The following ANK2 variants were observed in gnomAD, a reference collection of about 807,000 sequenced individuals.
ANK2 encodes ankyrin-2.
Under a neutral mutation model 360.5 loss-of-function variants are expected in ANK2, and 83 were observed. The ratio of observed to expected loss-of-function variants is 0.23; its 90% CI spans 0.19 to 0.28. The LOEUF is 0.28. Among genes scored for constraint, ANK2 ranks in the 10% least tolerant of loss-of-function variants. The pLI, the probability that ANK2 is intolerant of heterozygous loss-of-function variation, is 1.00. For synonymous variants in ANK2, 1,740 were observed against 1,759.5 expected, an observed-to-expected ratio of 0.99 and a Z score of 0.28; for missense variants, 4,201 against 4,795.7, an observed-to-expected ratio of 0.88 and a Z score of 3.66.
At chr4:113,209,262 G>A (rs959871920) in intron 4 of ANK2, among the ~76,000 whole-genome samples, 1 of 151,922 alleles carries the variant, frequency 6.6e-6, no homozygotes, top group African/African-American at 2.4e-5. Flanking sequence ...AGTAGTAGTA[G>A]CCCTTGGAGA....
intron 2 of ANK2, among the ~76,000 whole-genome samples, chr4:112,991,196 C>T (rs770462424): frequency 2.4e-4 from 34 of 140,928 alleles, no homozygotes; most frequent in African/African-American, 8.6e-4. Context: ...TGCAGTGAGC[C>T]GTGATTGCGC....
intron 17 of ANK2, among the ~76,000 whole-genome samples, chr4:113,282,264 C>T (rs2062707913): frequency 6.6e-6 from 1 of 152,172 alleles, no homozygotes; most frequent in African/African-American, 2.4e-5. Context: ...CTAGAAATGG[C>T]ACTTCCATCA....
the ANK2 span, among the ~76,000 whole-genome samples, chr4:112,733,141 G>A: frequency 3.9e-5 from 6 of 152,022 alleles, no homozygotes; most frequent in Non-Finnish European, 8.8e-5. Context: ...GCTTGAACCC[G>A]GCAGGTGGAG....
At chr4:112,818,707 T>C (rs1222104319) in intron 1 of ANK2, among the ~76,000 whole-genome samples, 1 of 152,152 alleles carries the variant, frequency 6.6e-6, no homozygotes, top group African/African-American at 2.4e-5. Context: ...CTTCTCTGCA[T>C]TGGGTGAGTA....
the ANK2 span, among the ~76,000 whole-genome samples, chr4:112,748,915 T>C: frequency 1.3e-5 from 2 of 152,222 alleles, no homozygotes; most frequent in African/African-American, 4.8e-5. Flanking sequence ...TTATTTATTT[T>C]GTAGATGGAG....
intron 2 of ANK2, among the ~76,000 whole-genome samples, chr4:113,182,674 A>G (rs1156925546): frequency 6.6e-6 from 1 of 152,182 alleles, no homozygotes; most frequent in East Asian, 1.9e-4. Context: ...TTGATCCAAT[A>G]AGCTGAGGAA....
At chr4:113,312,540 A>T (rs1563663494) in intron 24 of ANK2, among the ~76,000 whole-genome samples, 1 of 151,862 alleles carries the variant, frequency 6.6e-6, no homozygotes, top group South Asian at 2.1e-4. Flanking sequence ...AGGCTTGTTA[A>T]CTTCATAGTC....
intron 14 of ANK2, among the ~76,000 whole-genome samples, chr4:113,265,718 A>G (rs1303637154): frequency 6.6e-6 from 1 of 152,208 alleles, no homozygotes; most frequent in Admixed American, 6.5e-5. Flanking sequence ...ATACACTATC[A>G]ATATACTGTA....
chr4:113,331,463 G>A (rs1042463352), intron 27 of ANK2, among the ~76,000 whole-genome samples: 37 of 152,166 alleles, frequency 2.4e-4, no homozygotes, highest in Admixed American at 2.2e-3. Flanking sequence ...AGACAGACCA[G>A]AGCTTTACAA....
the ANK2 span, among the ~76,000 whole-genome samples, chr4:112,793,473 G>T: frequency 6.6e-6 from 1 of 151,892 alleles, no homozygotes; most frequent in Non-Finnish European, 1.5e-5. Context: ...AAGAGAAGTA[G>T]ATTTTATCAT....
At chr4:112,917,219 A>C (rs1233385755) in intron 2 of ANK2, among the ~76,000 whole-genome samples, 1 of 152,240 alleles carries the variant, frequency 6.6e-6, no homozygotes, top group Non-Finnish European at 1.5e-5. Context: ...CCACAATGAA[A>C]AAGAGCTTCT....
rs555366023 is a variant in ANK2, at chr4:113,235,563, G to A, written c.484-1424G>A. ...CCTGCCTCAGCCTCCCAAGTAGCTG[G>A]GATTACAGGTGCACGCCACCACATT... On this transcript the variant is annotated intron_variant, in intron 5 of 45. Transcript: ENST00000357077. 3.3e-5 allele frequency among the ~76,000 whole-genome samples: 5 copies of A among 152,098 alleles called. No individual in the cohort carries two copies. In the South Asian group the frequency reaches 8.3e-4, roughly 25 times the overall value.
intron 1 of ANK2, among the ~76,000 whole-genome samples, chr4:113,066,650 G>A (rs2075720033): frequency 6.6e-6 from 1 of 152,122 alleles, no homozygotes; most frequent in African/African-American, 2.4e-5. Context: ...CCAGGCACAG[G>A]TGTGACTGAC....
intron 2 of ANK2, among the ~76,000 whole-genome samples, chr4:113,178,432 C>A (rs1444090640): frequency 1.3e-5 from 2 of 151,622 alleles, no homozygotes; most frequent in Admixed American, 6.6e-5. Flanking sequence ...ATTAGCCGGG[C>A]GTGGCAGCAG....
intron 2 of ANK2, among the ~76,000 whole-genome samples, chr4:112,964,089 G>C (rs982686211): frequency 1.4e-5 from 2 of 143,554 alleles, no homozygotes; most frequent in Non-Finnish European, 1.5e-5. Flanking sequence ...AATTTTTAAG[G>C]TTTTAAAATT....
chr4:112,968,353 G>A (rs1296607344), intron 2 of ANK2, among the ~76,000 whole-genome samples: 1 of 152,212 alleles, frequency 6.6e-6, no homozygotes, highest in Non-Finnish European at 1.5e-5. Flanking sequence ...CAGCTGGACA[G>A]TGCCATTTCC....
chr4:112,900,438 C>T (rs2082986252), intron 1 of ANK2, among the ~76,000 whole-genome samples: 1 of 152,112 alleles, frequency 6.6e-6, no homozygotes, highest in South Asian at 2.1e-4. Flanking sequence ...ATTATTTAAC[C>T]TTCACATATA....
intron 1 of ANK2, among the ~76,000 whole-genome samples, chr4:112,882,909 A>G (rs1474802166): frequency 6.6e-6 from 1 of 150,862 alleles, no homozygotes; most frequent in African/African-American, 2.4e-5. Flanking sequence ...AGTGCACACT[A>G]TGTCACCAGG....
At chr4:113,366,104 A>G (rs1011999813) in intron 41 of ANK2, among the ~76,000 whole-genome samples, 11 of 152,096 alleles carry the variant, frequency 7.2e-5, no homozygotes, top group Non-Finnish European at 1.6e-4. Context: ...TTTACCCTAT[A>G]TGTCCCCCCT....
Sources: gnomAD v4.1 joint callset for allele counts (sites outside exome capture counted in the v4.1 genomes callset) on GRCh38, gnomAD v4.1.1 for gene constraint, MANE v1.5 for transcripts, NCBI Gene and HGNC (gene_info 2026-07-23, HGNC 2026-07-21) for gene names.